TLE4: variants seen among roughly 807,000 people sequenced by gnomAD.
TLE4 encodes transducin-like enhancer protein 4.
In TLE4, 8 loss-of-function variants were observed where a neutral mutation model predicts 92.8. That is an observed-to-expected ratio of 0.09 (90% confidence interval 0.05 to 0.16). The LOEUF is 0.16. Among genes scored for constraint, TLE4 ranks in the 10% least tolerant of loss-of-function variants. TLE4 has a pLI of 1.00. For missense variants in TLE4, 675 were observed against 997.6 expected, an observed-to-expected ratio of 0.68 and a Z score of 4.36; for synonymous variants, 371 against 374.1, an observed-to-expected ratio of 0.99 and a Z score of 0.10.
At chr9:79,638,598 C>T (rs1228901941) in intron 6 of TLE4, among the ~76,000 whole-genome samples, 2 of 151,026 alleles carry the variant, frequency 1.3e-5, no homozygotes, top group Non-Finnish European at 2.9e-5. Context: ...TATCTTTGCT[C>T]AGATTGTTTT....
chr9:79,689,208 G>T (rs1047392592), intron 8 of TLE4, among the ~76,000 whole-genome samples: 1 of 152,094 alleles, frequency 6.6e-6, no homozygotes, highest in African/African-American at 2.4e-5. Flanking sequence ...AAGGCATAGG[G>T]CGTATGTAAG....
intron 8 of TLE4, among the ~76,000 whole-genome samples, chr9:79,678,414 C>CT (rs144939013): frequency 0.024 from 3,617 of 151,118 alleles, 145 homozygotes; most frequent in African/African-American, 0.082. Flanking sequence ...CTAACTTCAT[C>CT]TTTTTTTTTA....
chr9:79,631,617 TGTG>T, intron 6 of TLE4, among the ~76,000 whole-genome samples: 1 of 3,914 alleles, frequency 2.6e-4, no homozygotes, highest in East Asian at 6.8e-3. Context: ...GAACCTTAAA[TGTG>T]TGTGTGTGTG....
intron 5 of TLE4, among the ~76,000 whole-genome samples, chr9:79,622,294 A>T (rs2051218666): frequency 6.6e-6 from 1 of 152,102 alleles, no homozygotes; most frequent in Non-Finnish European, 1.5e-5. Context: ...AGAAGGCCCT[A>T]TGAAATTCTA....
intron 4 of TLE4, among the ~76,000 whole-genome samples, chr9:79,588,981 G>A (rs1326269899): frequency 6.6e-6 from 1 of 152,180 alleles, no homozygotes; most frequent in East Asian, 1.9e-4. Flanking sequence ...GAGGATGTCT[G>A]GCAATGTGAT....
intron 8 of TLE4, among the ~76,000 whole-genome samples, chr9:79,685,098 C>G (rs1235510995): frequency 7.9e-5 from 12 of 152,156 alleles, no homozygotes; most frequent in Admixed American, 1.3e-4. Flanking sequence ...CTGACTGCTT[C>G]ATGAGAAATA....
At chr9:79,625,082 G>C (rs1048717715) in intron 5 of TLE4, among the ~76,000 whole-genome samples, 18 of 142,866 alleles carry the variant, frequency 1.3e-4, no homozygotes, top group Non-Finnish European at 2.1e-4. Flanking sequence ...TGCAGTGGCG[G>C]GATCTCGGCT....
chr9:79,573,225 G>A (rs1816223629), intron 1 of TLE4: 1 of 1,012,198 alleles, frequency 9.9e-7, no homozygotes, highest in Non-Finnish European at 1.2e-6. Context: ...GAAGTGCGGG[G>A]CGCCGGCCCC....
chr9:79,587,070 T>C (rs1021382734), intron 4 of TLE4, among the ~76,000 whole-genome samples: 3 of 152,258 alleles, frequency 2.0e-5, no homozygotes, highest in Non-Finnish European at 2.9e-5. Flanking sequence ...ATTCTGACTA[T>C]ATTTTTGTTT....
At chr9:79,720,377 GGTGTGT>G (rs71364488) in intron 16 of TLE4, 84 bp downstream of exon 16, 10,016 of 310,946 alleles carry the variant, frequency 0.032, 54 homozygotes, top group East Asian at 0.062. Flanking sequence ...TATAGGTATG[GGTGTGT>G]GTGTGTGTGT....
At chr9:79,638,661 T>A (rs1419512838) in intron 6 of TLE4, among the ~76,000 whole-genome samples, 1 of 152,110 alleles carries the variant, frequency 6.6e-6, no homozygotes, top group Non-Finnish European at 1.5e-5. Flanking sequence ...GTGGCAGTAA[T>A]GTTGCTTTTT....
At chr9:79,678,191 C>G (rs1042172017) in intron 8 of TLE4, among the ~76,000 whole-genome samples, 5 of 152,084 alleles carry the variant, frequency 3.3e-5, no homozygotes, top group Admixed American at 6.6e-5. Flanking sequence ...AGATAATGAT[C>G]TTCATCAAGT....
chr9:79,636,997 C>A (rs570324040), intron 6 of TLE4, among the ~76,000 whole-genome samples: 1 of 131,970 alleles, frequency 7.6e-6, no homozygotes, highest in South Asian at 2.2e-4. Flanking sequence ...AGCGCATGGA[C>A]TGGTAGAAAA....
At chr9:79,661,661 A>T (rs1420791993) in intron 8 of TLE4, among the ~76,000 whole-genome samples, 1 of 152,276 alleles carries the variant, frequency 6.6e-6, no homozygotes, top group Non-Finnish European at 1.5e-5. Context: ...AATGCTGCTT[A>T]GACTTGGCAA....
chr9:79,684,694 T>C (rs2065442608), intron 8 of TLE4, among the ~76,000 whole-genome samples: 1 of 152,312 alleles, frequency 6.6e-6, no homozygotes, highest in Admixed American at 6.5e-5. Context: ...TCAGCTCAAC[T>C]GACCAGGCTC....
chr9:79,659,621 T>C (rs776413428), intron 8 of TLE4, among the ~76,000 whole-genome samples: 1 of 152,118 alleles, frequency 6.6e-6, no homozygotes, highest in Non-Finnish European at 1.5e-5. Context: ...TGCCACTCCC[T>C]AACTCATAAT....
intron 5 of TLE4, among the ~76,000 whole-genome samples, chr9:79,625,798 A>G (rs2052468785): frequency 1.3e-5 from 2 of 151,846 alleles, no homozygotes; most frequent in African/African-American, 4.8e-5. Flanking sequence ...CTTCAGAGAA[A>G]GAAATTTTTT....
intron 8 of TLE4, among the ~76,000 whole-genome samples, chr9:79,670,346 T>G (rs2134818332): frequency 6.6e-6 from 1 of 151,994 alleles, no homozygotes; most frequent in South Asian, 2.1e-4. Flanking sequence ...AACAAAAGGC[T>G]CACAAATGAA....
chr9:79,631,616 A>ATTGTGTGTGTGTG (rs775644348), intron 6 of TLE4, among the ~76,000 whole-genome samples: 4 of 118,162 alleles, frequency 3.4e-5, no homozygotes, highest in African/African-American at 6.2e-5. Flanking sequence ...TGAACCTTAA[A>ATTGTGTGTGTGTG]TGTGTGTGTG....
Sources: gnomAD v4.1 joint callset for allele counts (sites outside exome capture counted in the v4.1 genomes callset) on GRCh38, gnomAD v4.1.1 for gene constraint, MANE v1.5 for transcripts, NCBI Gene and HGNC (gene_info 2026-07-23, HGNC 2026-07-21) for gene names.